Variants in AOPEP observed in about 807,000 individuals in gnomAD.
AOPEP encodes the protein aminopeptidase O.
A neutral mutation model predicts 98.1 loss-of-function variants in AOPEP; 77 were observed. The ratio of observed to expected loss-of-function variants is 0.78; its 90% confidence interval spans 0.65 to 0.95. The LOEUF is 0.95. AOPEP is among the 40% of genes least tolerant of loss of function. The probability of loss-of-function intolerance (pLI) is 0.00; values close to 1 mark genes in which losing one functional copy is unlikely to be tolerated. For synonymous variants in AOPEP, 346 were observed against 365.3 expected (o/e 0.95, Z 0.60); for missense variants, 1,024 against 1,024.7 (o/e 1.00, Z 0.01).
the AOPEP span, among the ~76,000 whole-genome samples, chr9:95,122,159 A>G: frequency 6.6e-6 from 1 of 152,176 alleles, no homozygotes; most frequent in African/African-American, 2.4e-5. Context: ...CGCCTGGCAC[A>G]TAAAATTCAA....
chr9:94,839,860 C>T (rs1317103747), intron 5 of AOPEP, among the ~76,000 whole-genome samples: 1 of 152,094 alleles, frequency 6.6e-6, no homozygotes, highest in African/African-American at 2.4e-5. Flanking sequence ...TGTCAACCTC[C>T]TGGGCCCCAT....
chr9:94,783,163 G>T, intron 3 of AOPEP, among the ~76,000 whole-genome samples: 1 of 152,202 alleles, frequency 6.6e-6, no homozygotes, highest in Non-Finnish European at 1.5e-5. Context: ...GCCTGGTGGG[G>T]CATATTCCTT....
intron 5 of AOPEP, among the ~76,000 whole-genome samples, chr9:94,917,739 C>T (rs2053035787): frequency 6.6e-6 from 1 of 152,208 alleles, no homozygotes; most frequent in South Asian, 2.1e-4. Context: ...AGCTTGTCTT[C>T]TGCATCCTTC....
At chr9:94,895,716 G>A (rs148182162) in intron 5 of AOPEP, among the ~76,000 whole-genome samples, 39 of 152,200 alleles carry the variant, frequency 2.6e-4, no homozygotes, top group African/African-American at 7.9e-4. Context: ...AGCCTCTGGA[G>A]TAGCTGATTT....
intron 7 of AOPEP, among the ~76,000 whole-genome samples, chr9:94,944,106 A>C (rs1036559130): frequency 3.9e-5 from 6 of 152,102 alleles, no homozygotes; most frequent in African/African-American, 1.4e-4. Flanking sequence ...AAAGACAGAT[A>C]ATAAAAATCA....
chr9:95,089,434 G>T (rs907626529), downstream of AOPEP, among the ~76,000 whole-genome samples: 4 of 152,202 alleles, frequency 2.6e-5, no homozygotes, highest in African/African-American at 9.6e-5. Context: ...GCAGGATGTG[G>T]GTGTGCTGGG....
At chr9:94,776,363 G>C (rs914821069) in intron 3 of AOPEP, among the ~76,000 whole-genome samples, 1 of 152,082 alleles carries the variant, frequency 6.6e-6, no homozygotes, top group African/African-American at 2.4e-5. Context: ...GTGCAGTGGC[G>C]TGATCTCGGC....
the AOPEP span, among the ~76,000 whole-genome samples, chr9:95,149,750 A>G: frequency 2.6e-5 from 4 of 152,082 alleles, no homozygotes; most frequent in Non-Finnish European, 5.9e-5. Context: ...AAGTGCTGGG[A>G]TTACAGGTGT....
intron 3 of AOPEP, among the ~76,000 whole-genome samples, chr9:94,784,956 G>A (rs888070706): frequency 4.7e-5 from 7 of 149,890 alleles, no homozygotes; most frequent in Middle Eastern, 3.6e-3. Flanking sequence ...ATTTTGAGAC[G>A]GAGTTTAGCT....
At chr9:94,789,538 C>T (rs1845184302) in intron 3 of AOPEP, among the ~76,000 whole-genome samples, 1 of 152,134 alleles carries the variant, frequency 6.6e-6, no homozygotes, top group Non-Finnish European at 1.5e-5. Flanking sequence ...TCTGCACGCT[C>T]CTTTCTGCCT....
the AOPEP span, among the ~76,000 whole-genome samples, chr9:95,129,754 T>A: frequency 6.6e-6 from 1 of 152,170 alleles, no homozygotes; most frequent in Non-Finnish European, 1.5e-5. Context: ...TTCAATAACA[T>A]GAGTCTTGTC....
chr9:95,085,945 C>G, intron 16 of AOPEP: 1 of 1,329,636 alleles, frequency 7.5e-7, no homozygotes, highest in Non-Finnish European at 1.0e-6. Flanking sequence ...GCCTTCGCGT[C>G]TCCTGCGCCA....
intron 5 of AOPEP, among the ~76,000 whole-genome samples, chr9:94,858,577 T>C (rs1260779539): frequency 6.6e-6 from 1 of 152,192 alleles, no homozygotes; most frequent in Non-Finnish European, 1.5e-5. Context: ...CACTCCAGTC[T>C]TCAAAGCCAA....
intron 5 of AOPEP, chr9:94,900,699 A>G (rs1277954732): frequency 1.3e-5 from 2 of 152,188 alleles, no homozygotes; most frequent in Non-Finnish European, 2.9e-5. Context: ...TTTTCTCTGC[A>G]TGTCTGTATC....
intron 3 of AOPEP, among the ~76,000 whole-genome samples, chr9:94,788,643 A>G (rs1844970593): frequency 6.6e-6 from 1 of 152,162 alleles, no homozygotes; most frequent in African/African-American, 2.4e-5. Flanking sequence ...GGGCTTGTCA[A>G]CCATCAGCTT....
At chr9:94,739,959 T>C (rs1169367118) in intron 1 of AOPEP, among the ~76,000 whole-genome samples, 4 of 152,162 alleles carry the variant, frequency 2.6e-5, no homozygotes, top group African/African-American at 9.7e-5. Context: ...CTCAGATTTG[T>C]TCTAATCAGG....
intron 13 of AOPEP, among the ~76,000 whole-genome samples, chr9:95,023,918 T>G (rs535637976): frequency 2.6e-5 from 4 of 152,208 alleles, no homozygotes; most frequent in African/African-American, 4.8e-5. Context: ...AGGATCAATA[T>G]TTTTGAAAAG....
At chr9:94,735,513 C>T (rs1405622900) in intron 1 of AOPEP, among the ~76,000 whole-genome samples, 1 of 152,166 alleles carries the variant, frequency 6.6e-6, no homozygotes, top group Non-Finnish European at 1.5e-5. Context: ...AGCCACCGCG[C>T]CCGGCCAAGA....
At chr9:94,755,379 G>A (rs1307647729) in intron 1 of AOPEP, among the ~76,000 whole-genome samples, 1 of 152,188 alleles carries the variant, frequency 6.6e-6, no homozygotes, top group Admixed American at 6.5e-5. Flanking sequence ...CTAAATGTGG[G>A]GCTGTGACCC....
Sources: gnomAD v4.1 joint callset for allele counts (sites outside exome capture counted in the v4.1 genomes callset) on GRCh38, gnomAD v4.1.1 for gene constraint, MANE v1.5 for transcripts, NCBI Gene and HGNC (gene_info 2026-07-23, HGNC 2026-07-21) for gene names.